Variants in COL23A1 observed in about 807,000 individuals in gnomAD.
COL23A1 encodes the protein collagen alpha-1(XXIII) chain.
A neutral mutation model predicts 99.3 loss-of-function variants in COL23A1; 97 were observed. The ratio of observed to expected loss-of-function variants is 0.98; its 90% CI spans 0.83 to 1.16. The LOEUF is 1.16. Among genes scored for constraint, COL23A1 ranks in the 50% most tolerant of loss-of-function variants. The pLI is 0.00. For synonymous variants in COL23A1, 320 were observed against 308.2 expected, an observed-to-expected ratio of 1.04 and a Z score of -0.40; for missense variants, 762 against 757.4, an observed-to-expected ratio of 1.01 and a Z score of -0.07.
intron 2 of COL23A1, among the ~76,000 whole-genome samples, chr5:178,470,626 T>C (rs1388537068): frequency 6.6e-6 from 1 of 152,140 alleles, no homozygotes; most frequent in Non-Finnish European, 1.5e-5. Flanking sequence ...AGCCAGCACG[T>C]GGGTCAAAGA....
At chr5:178,432,055 AGAAAGGGGC>A (rs1177372937) in intron 2 of COL23A1, among the ~76,000 whole-genome samples, 11 of 152,384 alleles carry the variant, frequency 7.2e-5, no homozygotes, top group Admixed American at 7.2e-4. Context: ...CTGCTGAAAT[AGAAAGGGGC>A]TTTTGCAAAC....
chr5:178,333,330 C>T (rs1760141064), intron 2 of COL23A1, among the ~76,000 whole-genome samples: 1 of 152,192 alleles, frequency 6.6e-6, no homozygotes, highest in Non-Finnish European at 1.5e-5. Flanking sequence ...CTGGGTTTGG[C>T]CTGTGGCTGC....
chr5:178,357,718 A>ATGTGTG (rs144352054), intron 2 of COL23A1, among the ~76,000 whole-genome samples: 1,553 of 145,950 alleles, frequency 0.011, 12 homozygotes, highest in Middle Eastern at 0.028. Flanking sequence ...AAATGTGTGT[A>ATGTGTG]TGTGTGTGTG....
chr5:178,524,741 A>C (rs901430720), intron 2 of COL23A1, among the ~76,000 whole-genome samples: 1 of 152,172 alleles, frequency 6.6e-6, no homozygotes, highest in Non-Finnish European at 1.5e-5. Flanking sequence ...ATGCCCCTGA[A>C]GCAGGGCCTT....
chr5:178,258,401 T>TC (rs1468939771), intron 12 of COL23A1, among the ~76,000 whole-genome samples: 6 of 135,942 alleles, frequency 4.4e-5, no homozygotes, highest in Admixed American at 2.9e-4. Flanking sequence ...GAGGTTTTTT[T>TC]TTTTTTTTTT....
chr5:178,432,502 G>A (rs903782804), intron 2 of COL23A1, among the ~76,000 whole-genome samples: 56 of 152,080 alleles, frequency 3.7e-4, no homozygotes, highest in African/African-American at 1.1e-3. Flanking sequence ...CTACGCTCCC[G>A]GCAGGAAGTC....
chr5:178,533,096 G>A (rs1760739743), intron 2 of COL23A1, among the ~76,000 whole-genome samples: 1 of 152,188 alleles, frequency 6.6e-6, no homozygotes, highest in Admixed American at 6.5e-5. Flanking sequence ...CTGCCCTACA[G>A]GGGATTCTAA....
intron 2 of COL23A1, among the ~76,000 whole-genome samples, chr5:178,424,445 C>T (rs1399638563): frequency 6.6e-5 from 10 of 152,248 alleles, no homozygotes; most frequent in Non-Finnish European, 2.9e-5. Flanking sequence ...AGGGCCCAGT[C>T]ATGTCCTCTG....
At chr5:178,576,020 A>G (rs1395105453) in intron 1 of COL23A1, among the ~76,000 whole-genome samples, 9 of 152,224 alleles carry the variant, frequency 5.9e-5, no homozygotes, top group Non-Finnish European at 1.2e-4. Flanking sequence ...TGATGTCGAG[A>G]GGGGCTCGGT....
At chr5:178,567,342 A>G (rs1328067796) in intron 1 of COL23A1, among the ~76,000 whole-genome samples, 2 of 152,210 alleles carry the variant, frequency 1.3e-5, no homozygotes, top group African/African-American at 2.4e-5. Flanking sequence ...TTCTAGGGCC[A>G]AGGCAGAAAA....
At chr5:178,425,697 C>T (rs1235122336) in intron 2 of COL23A1, among the ~76,000 whole-genome samples, 6 of 152,158 alleles carry the variant, frequency 3.9e-5, no homozygotes, top group South Asian at 2.1e-4. Context: ...GGAGAAGCCG[C>T]GGTGAATGGC....
chr5:178,290,639 A>G (rs2913826), intron 3 of COL23A1, among the ~76,000 whole-genome samples: 128,339 of 152,174 alleles, frequency 0.84, 54,964 homozygotes, highest in Non-Finnish European at 0.93. Context: ...GTCACCAGGC[A>G]GCTTTGGGTT....
At chr5:178,513,180 G>T (rs968519984) in intron 2 of COL23A1, among the ~76,000 whole-genome samples, 4 of 150,622 alleles carry the variant, frequency 2.7e-5, no homozygotes, top group African/African-American at 1.0e-4. Flanking sequence ...GCTGGGCCCT[G>T]GAGGAAATGA....
chr5:178,382,948 G>A (rs1303816013), intron 2 of COL23A1, among the ~76,000 whole-genome samples: 1 of 152,166 alleles, frequency 6.6e-6, no homozygotes, highest in Non-Finnish European at 1.5e-5. Flanking sequence ...GGACAGGAGG[G>A]AGGGGGGCCC....
chr5:178,264,570 G>C (rs555086842), intron 8 of COL23A1, among the ~76,000 whole-genome samples: 44 of 152,254 alleles, frequency 2.9e-4, no homozygotes, highest in African/African-American at 1.0e-3. Flanking sequence ...AGTACACCCA[G>C]GTCATGGTGC....
chr5:178,401,052 T>C (rs1344564137), intron 2 of COL23A1, among the ~76,000 whole-genome samples: 1 of 152,266 alleles, frequency 6.6e-6, no homozygotes, highest in Non-Finnish European at 1.5e-5. Context: ...TCTGTCTCTA[T>C]GAATTTGTTT....
At chr5:178,476,224 A>C (rs920870384) in intron 2 of COL23A1, among the ~76,000 whole-genome samples, 2 of 152,162 alleles carry the variant, frequency 1.3e-5, no homozygotes, top group Admixed American at 1.3e-4. Context: ...CGCATACAGC[A>C]TGCCTGCCGT....
intron 2 of COL23A1, among the ~76,000 whole-genome samples, chr5:178,457,357 G>A (rs1767856488): frequency 6.6e-6 from 1 of 152,092 alleles, no homozygotes; most frequent in Admixed American, 6.6e-5. Context: ...GGGACTACAA[G>A]TGCCCGCCAC....
rs1329085878 is a variant in COL23A1 at position 178,365,768 on chromosome 5, C to T, written c.362-58849G>A. Among the ~76,000 whole-genome samples the T allele has an allele frequency of 6.6e-6, 1 of 152,158 alleles. No homozygotes were observed. The highest frequency in any genetic ancestry group is 1.5e-5 in the Non-Finnish European group (1 of 68,030). On this transcript the variant is annotated intron_variant, in intron 2 of 28. Coordinates refer to ENST00000390654, the MANE Select transcript of COL23A1 (RefSeq NM_173465.4). The surrounding 1 kb of genome is among the most constrained non-coding windows in gnomAD (Gnocchi z 5.2). ...CCCAGTTCTGATGTCACCTTTCTCA[C>T]ACCCAGGAGTCCTCTGTGACCTGGG...
Sources: allele counts gnomAD v4.1 joint callset (sites outside exome capture counted in the v4.1 genomes callset), GRCh38; gene constraint gnomAD v4.1.1; non-coding constraint Gnocchi (gnomAD v3.1); transcripts MANE v1.5; gene names NCBI Gene and HGNC (gene_info 2026-07-23, HGNC 2026-07-21).